ANXA8: variants seen among roughly 807,000 people sequenced by gnomAD.
The protein encoded by ANXA8 is annexin A8.
Under a neutral mutation model 26.8 loss-of-function variants are expected in ANXA8, and 9 were observed. That is an observed-to-expected ratio of 0.34 (90% CI 0.20 to 0.59). The LOEUF (loss-of-function observed/expected upper bound fraction) is 0.59. Among genes scored for constraint, ANXA8 ranks in the 20% least tolerant of loss-of-function variants. ANXA8 has a pLI of 0.84. For synonymous variants in ANXA8, 39 were observed against 94.8 expected, an observed-to-expected ratio of 0.41 and a Z score of 3.42; for missense variants, 83 against 238.5, an observed-to-expected ratio of 0.35 and a Z score of 4.29.
At chr10:47,654,510 CTT>C in the ANXA8 span, among the ~76,000 whole-genome samples, 2 of 118,664 alleles carry the variant, frequency 1.7e-5, no homozygotes, top group Non-Finnish European at 3.3e-5. Context: ...ATCATAGAAA[CTT>C]TAAGCTTCTT....
chr10:47,555,620 A>G, the ANXA8 span, among the ~76,000 whole-genome samples: 1 of 151,984 alleles, frequency 6.6e-6, no homozygotes, highest in South Asian at 2.1e-4. Context: ...AGCTGCCTCC[A>G]TGACATATCC....
At chr10:47,612,539 T>C in the ANXA8 span, among the ~76,000 whole-genome samples, 2 of 73,062 alleles carry the variant, frequency 2.7e-5, 1 homozygote, top group Admixed American at 2.9e-4. Flanking sequence ...GGTTCAGCTT[T>C]CATGGTTGCT....
the ANXA8 span, among the ~76,000 whole-genome samples, chr10:47,648,529 AT>A: frequency 7.1e-6 from 1 of 140,714 alleles, no homozygotes; most frequent in Non-Finnish European, 1.5e-5. Context: ...AATGGACCTA[AT>A]CATCATGGGC....
At chr10:47,748,000 T>C in the ANXA8 span, among the ~76,000 whole-genome samples, 2 of 152,116 alleles carry the variant, frequency 1.3e-5, no homozygotes, top group Non-Finnish European at 2.9e-5. Context: ...ACAAAGAGTA[T>C]GGAAAATACA....
the ANXA8 span, among the ~76,000 whole-genome samples, chr10:47,945,497 C>T: frequency 6.6e-6 from 1 of 150,538 alleles, no homozygotes; most frequent in Non-Finnish European, 1.5e-5. Context: ...CAAATCTAAA[C>T]TCAAGTCAAA....
the ANXA8 span, among the ~76,000 whole-genome samples, chr10:47,711,076 C>G: frequency 6.7e-6 from 1 of 149,384 alleles, no homozygotes; most frequent in African/African-American, 2.6e-5. Context: ...TAAATAAATG[C>G]TATGATTATA....
chr10:47,491,842 G>A, the ANXA8 span: 24 of 628,280 alleles, frequency 3.8e-5, no homozygotes, highest in Admixed American at 1.2e-4. Context: ...GGGGCTGGGC[G>A]GAGCCACCCT....
the ANXA8 span, among the ~76,000 whole-genome samples, chr10:47,665,808 T>A: frequency 6.6e-6 from 1 of 151,816 alleles, no homozygotes; most frequent in Admixed American, 6.5e-5. Context: ...ATCCCAACTT[T>A]ATTTCATAAT....
the ANXA8 span, among the ~76,000 whole-genome samples, chr10:47,985,218 T>C: frequency 6.7e-6 from 1 of 149,280 alleles, no homozygotes; most frequent in Non-Finnish European, 1.5e-5. Flanking sequence ...ATACTTAACA[T>C]CATTAGCCTT....
the ANXA8 span, among the ~76,000 whole-genome samples, chr10:47,776,129 AAG>A: frequency 6.6e-6 from 1 of 152,012 alleles, no homozygotes; most frequent in African/African-American, 2.4e-5. Flanking sequence ...AAGCTCCATG[AAG>A]AGAGGGAGCA....
At chr10:47,971,016 C>T in the ANXA8 span, among the ~76,000 whole-genome samples, 2 of 151,552 alleles carry the variant, frequency 1.3e-5, no homozygotes, top group South Asian at 4.2e-4. Context: ...GGAATCCTGG[C>T]TCTGCCACCT....
chr10:47,525,868 G>C, the ANXA8 span, among the ~76,000 whole-genome samples: 24 of 122,848 alleles, frequency 2.0e-4, no homozygotes, highest in African/African-American at 7.6e-4. Flanking sequence ...GCAATGGCGT[G>C]ATCTTGGCTC....
the ANXA8 span, among the ~76,000 whole-genome samples, chr10:47,536,583 A>T: frequency 7.7e-5 from 10 of 130,638 alleles, no homozygotes; most frequent in Non-Finnish European, 4.6e-5. Context: ...ACACATAAAC[A>T]CTACCCCCAC....
At chr10:47,581,191 C>T in the ANXA8 span, 2 of 363,644 alleles carry the variant, frequency 5.5e-6, no homozygotes, top group African/African-American at 2.3e-5. Context: ...GATGGGAGGT[C>T]TGAACCTAAC....
the ANXA8 span, among the ~76,000 whole-genome samples, chr10:47,555,218 G>C: frequency 6.6e-6 from 1 of 151,804 alleles, no homozygotes; most frequent in Non-Finnish European, 1.5e-5. Context: ...TTTTATTATA[G>C]AGTAACTCTT....
At chr10:47,484,613 C>T, upstream of ANXA8, 1 of 903,142 alleles carries the variant, frequency 1.1e-6, no homozygotes, top group Non-Finnish European at 1.6e-6. Flanking sequence ...TGGCTCCTGC[C>T]TGGCTCTGCC....
chr10:47,494,921 C>G, the ANXA8 span, among the ~76,000 whole-genome samples: 17 of 152,260 alleles, frequency 1.1e-4, no homozygotes, highest in Non-Finnish European at 1.8e-4. Flanking sequence ...CTCCCTGGGT[C>G]TAGAGGGACA....
At chr10:47,743,726 A>G in the ANXA8 span, among the ~76,000 whole-genome samples, 7 of 149,968 alleles carry the variant, frequency 4.7e-5, no homozygotes, top group Non-Finnish European at 7.4e-5. Flanking sequence ...GCTGCGGGCC[A>G]CAGGCCGCGG....
chr10:47,680,676 T>A, the ANXA8 span, among the ~76,000 whole-genome samples: 3 of 151,838 alleles, frequency 2.0e-5, no homozygotes, highest in African/African-American at 4.8e-5. Flanking sequence ...GTATGTACAA[T>A]TACAATATGA....
Sources: allele counts gnomAD v4.1 joint callset (sites outside exome capture counted in the v4.1 genomes callset), GRCh38; gene constraint gnomAD v4.1.1; transcripts MANE v1.5; gene names NCBI Gene and HGNC (gene_info 2026-07-23, HGNC 2026-07-21).